The following ST3GAL6 variants were observed in gnomAD, a reference collection of about 807,000 sequenced individuals.
The protein encoded by ST3GAL6 is ST3 beta-galactoside alpha-2,3-sialyltransferase 6.
A neutral mutation model predicts 40.5 loss-of-function variants in ST3GAL6; 31 were observed. The observed-to-expected ratio is 0.77, with a 90% confidence interval of 0.58 to 1.03. The LOEUF is 1.03. Ranked by LOEUF, ST3GAL6 falls within the 50% of genes least tolerant of loss-of-function variation. The pLI, the probability that ST3GAL6 is intolerant of heterozygous loss-of-function variation, is 0.00. For missense variants in ST3GAL6, 357 were observed against 393.2 expected, an observed-to-expected ratio of 0.91 and a Z score of 0.78; for synonymous variants, 129 against 136.9, an observed-to-expected ratio of 0.94 and a Z score of 0.40.
chr3:98,793,981 T>A lies in ST3GAL6; in HGVS notation c.*220T>A, dbSNP rs14310. The A allele has an allele frequency of 0.36, 125,846 of 348,794 alleles. 23,135 individuals are homozygous for A. The highest frequency in any genetic ancestry group is 0.38 in the Non-Finnish European group (74,475 of 194,130). 21.6% of individuals were successfully genotyped at this position (348,794 alleles called of 1,614,324 possible). A position where few individuals can be genotyped will look rare whatever the true frequency, so the allele number is the denominator to read the frequency against. ...AACAGGAAAATAAGTTTTGATTGCA[T>A]TGTTTTTAAAATAAGCTAGTTTTCT... On this transcript the variant is annotated 3_prime_UTR_variant, in exon 10 of 10. Transcript: ENST00000483910.
At chr3:98,771,218 T>A (rs1228182730) in intron 3 of ST3GAL6, 4 of 1,306,560 alleles carry the variant, frequency 3.1e-6, no homozygotes, top group Non-Finnish European at 3.0e-6. Context: ...TATTTGTGTT[T>A]GATTATAAAA....
chr3:98,785,980 C>T (rs71311393), intron 6 of ST3GAL6, among the ~76,000 whole-genome samples: 8,101 of 152,076 alleles, frequency 0.053, 273 homozygotes, highest in Non-Finnish European at 0.071. Context: ...TCAAGGATGC[C>T]TCCTACTCTG....
At chr3:98,762,497 A>C (rs1197894815), upstream of ST3GAL6, among the ~76,000 whole-genome samples, 1 of 152,058 alleles carries the variant, frequency 6.6e-6, no homozygotes, top group East Asian at 1.9e-4. Flanking sequence ...TTATTTCTTT[A>C]ATTATGGTCT....
chr3:98,739,281 A>G (rs549781296), intron 1 of ST3GAL6, among the ~76,000 whole-genome samples: 1 of 152,276 alleles, frequency 6.6e-6, no homozygotes, highest in Non-Finnish European at 1.5e-5. Flanking sequence ...CATCACATCT[A>G]GAGAAACTAG....
rs1158640460 is a variant in ST3GAL6, at chr3:98,795,772, A to G, written c.*2011A>G. The G allele has an allele frequency of 3.3e-5, 5 of 152,154 alleles. No homozygotes were observed. Among genetic ancestry groups the G allele is most frequent in the Non-Finnish European group, 4.4e-5 (3 of 68,036 alleles). 9.4% of individuals were successfully genotyped at this position (152,154 alleles called of 1,614,324 possible). A position where few individuals can be genotyped will look rare whatever the true frequency, so the allele number is the denominator to read the frequency against. ...ATACCACAAACCTCAGTATCACACA[A>G]TATACCCATGTAACAACCTGCACTC... On this transcript the variant is annotated 3_prime_UTR_variant, in exon 10 of 10. Coordinates refer to ENST00000483910, the MANE Select transcript of ST3GAL6 (RefSeq NM_001323368.2).
chr3:98,775,473 T>C, intron 5 of ST3GAL6, among the ~76,000 whole-genome samples: 1 of 74,910 alleles, frequency 1.3e-5, no homozygotes, highest in Non-Finnish European at 2.7e-5. Flanking sequence ...AGACTTCGTC[T>C]CAAAAAAAAA....
intron 1 of ST3GAL6, among the ~76,000 whole-genome samples, chr3:98,754,344 C>G (rs2107355432): frequency 6.6e-6 from 1 of 152,278 alleles, no homozygotes. Flanking sequence ...ATGGGAATAG[C>G]AAGAGAACTA....
chr3:98,778,151 G>A (rs1376737199), intron 5 of ST3GAL6, among the ~76,000 whole-genome samples: 3 of 152,198 alleles, frequency 2.0e-5, no homozygotes, highest in African/African-American at 7.2e-5. Context: ...CAGCACAGGT[G>A]GTTATATAGT....
intron 1 of ST3GAL6, among the ~76,000 whole-genome samples, chr3:98,753,055 A>G (rs1455661581): frequency 2.0e-5 from 3 of 152,246 alleles, no homozygotes; most frequent in Non-Finnish European, 2.9e-5. Flanking sequence ...GATTAAGCTT[A>G]GTGAGGAAAG....
intron 5 of ST3GAL6, 110 bp from the exon 6 acceptor site, chr3:98,784,835 C>A: frequency 1.3e-6 from 1 of 795,156 alleles, no homozygotes; most frequent in Non-Finnish European, 2.1e-6. Context: ...TCTTTTTCTA[C>A]TTGCGCAACA....
intron 1 of ST3GAL6, among the ~76,000 whole-genome samples, chr3:98,751,334 A>G (rs1936996906): frequency 2.0e-5 from 3 of 152,230 alleles, no homozygotes; most frequent in Non-Finnish European, 4.4e-5. Flanking sequence ...TAAGGAGAGA[A>G]TAATCCTGAG....
upstream of ST3GAL6, among the ~76,000 whole-genome samples, chr3:98,762,318 ACT>A (rs1483442328): frequency 6.6e-6 from 1 of 152,130 alleles, no homozygotes; most frequent in African/African-American, 2.4e-5. Context: ...ACACTACACA[ACT>A]CAATATTTTT....
chr3:98,785,158 T>C (rs922369160), intron 6 of ST3GAL6, 118 bp downstream of exon 6: 5 of 643,748 alleles, frequency 7.8e-6, no homozygotes, highest in Non-Finnish European at 1.3e-5. Context: ...TTTTTTTTAT[T>C]GCACAACCTT....
chr3:98,740,330 C>T (rs1334037707), intron 1 of ST3GAL6, among the ~76,000 whole-genome samples: 2 of 150,132 alleles, frequency 1.3e-5, no homozygotes, highest in East Asian at 4.0e-4. Context: ...TTCAAGCTCT[C>T]TATGACCATC....
chr3:98,750,244 A>G (rs998960525), intron 1 of ST3GAL6, among the ~76,000 whole-genome samples: 3 of 152,320 alleles, frequency 2.0e-5, no homozygotes, highest in African/African-American at 2.4e-5. Flanking sequence ...CCATTCTTCT[A>G]TGGAAGTGAA....
At chr3:98,787,955 C>A in intron 6 of ST3GAL6, 81 bp from the exon 7 acceptor site, 1 of 1,315,626 alleles carries the variant, frequency 7.6e-7, no homozygotes, top group Non-Finnish European at 1.0e-6. Context: ...GTTTGTCCAA[C>A]TCTGAAACCT....
intron 8 of ST3GAL6, among the ~76,000 whole-genome samples, chr3:98,789,617 G>T (rs1941034375): frequency 6.6e-6 from 1 of 152,076 alleles, no homozygotes; most frequent in Non-Finnish European, 1.5e-5. Flanking sequence ...CCATTTGTCG[G>T]ATTTCTGTAG....
At chr3:98,767,667 T>C (rs971500991) in intron 1 of ST3GAL6, among the ~76,000 whole-genome samples, 7 of 152,266 alleles carry the variant, frequency 4.6e-5, no homozygotes, top group Non-Finnish European at 8.8e-5. Context: ...CTTTTTTCCT[T>C]TGAAGCAAAA....
intron 1 of ST3GAL6, among the ~76,000 whole-genome samples, chr3:98,767,840 C>G (rs1054500601): frequency 1.1e-4 from 16 of 151,958 alleles, no homozygotes; most frequent in African/African-American, 3.9e-4. Context: ...GCTGAATATA[C>G]CTGAACTGTG....
Sources: allele counts gnomAD v4.1 joint callset (sites outside exome capture counted in the v4.1 genomes callset), GRCh38; gene constraint gnomAD v4.1.1; transcripts MANE v1.5; gene names NCBI Gene and HGNC (gene_info 2026-07-23, HGNC 2026-07-21).